AFF3: variants seen among roughly 807,000 people sequenced by gnomAD.
AFF3 encodes AF4/FMR2 family member 3.
In AFF3, 32 loss-of-function variants were observed where a neutral mutation model predicts 129.7. The observed-to-expected ratio is 0.25, with a 90% confidence interval of 0.19 to 0.33. AFF3 has a LOEUF of 0.33. AFF3 is among the 10% of genes least tolerant of loss of function. The pLI is 1.00. For synonymous variants in AFF3, 644 were observed against 635.4 expected, an observed-to-expected ratio of 1.01 and a Z score of -0.20; for missense variants, 1,373 against 1,592.0, an observed-to-expected ratio of 0.86 and a Z score of 2.34.
At chr2:99,741,409 T>C (rs1465356490) in intron 10 of AFF3, among the ~76,000 whole-genome samples, 1 of 152,156 alleles carries the variant, frequency 6.6e-6, no homozygotes, top group Admixed American at 6.5e-5. Flanking sequence ...ATCACAAGCA[T>C]TCTTATACAC....
At chr2:99,759,829 A>C (rs1326271846) in intron 8 of AFF3, among the ~76,000 whole-genome samples, 1 of 152,302 alleles carries the variant, frequency 6.6e-6, no homozygotes, top group Non-Finnish European at 1.5e-5. Flanking sequence ...TTGCATGGGA[A>C]AATCAAGGGC....
At position 99,587,147 on chromosome 2, in the gene AFF3, C is replaced by A. The variant is rs750695427; in HGVS notation, c.2591+7G>T. ...GCTCACTTCCACTTTGGAGGGAATG[C>A]ACGTACCTGTTGATGTTCATGTTGC... On this transcript the variant is annotated splice_region_variant and intron_variant, in intron 16 of 24. Transcript: ENST00000672756. 2 of 1,613,920 alleles carry A rather than the reference C, an allele frequency of 1.2e-6. No individual in the cohort carries two copies. The highest frequency in any genetic ancestry group is 3.3e-5 in the Admixed American group (2 of 60,006).
chr2:99,777,123 G>A (rs1283420555), intron 8 of AFF3, among the ~76,000 whole-genome samples: 8 of 152,188 alleles, frequency 5.3e-5, no homozygotes, highest in South Asian at 2.1e-4. Flanking sequence ...GTCAGAGCCC[G>A]CTGTGAGTGG....
At chr2:100,111,574 C>T (rs934347970) in intron 2 of AFF3, among the ~76,000 whole-genome samples, 6 of 152,144 alleles carry the variant, frequency 3.9e-5, no homozygotes, top group Non-Finnish European at 7.3e-5. Context: ...ATGGCATTTA[C>T]GAAAAACAGT....
At chr2:99,740,046 A>C (rs959713627) in intron 10 of AFF3, among the ~76,000 whole-genome samples, 1 of 145,478 alleles carries the variant, frequency 6.9e-6, no homozygotes, top group African/African-American at 2.6e-5. Flanking sequence ...CCCATCTATG[A>C]GTGAGAATAT....
At chr2:99,624,885 C>T (rs1025725118) in intron 13 of AFF3, among the ~76,000 whole-genome samples, 4 of 152,200 alleles carry the variant, frequency 2.6e-5, no homozygotes, top group South Asian at 2.1e-4. Context: ...GTGGGAGCTC[C>T]GCCAGATGCC....
intron 18 of AFF3, among the ~76,000 whole-genome samples, chr2:99,575,414 A>ATTTTTTTTTTTTTTT (rs540441950): frequency 4.3e-3 from 544 of 127,248 alleles, no homozygotes; most frequent in East Asian, 6.9e-3. Context: ...TGCCTGGCTA[A>ATTTTTTTTTTTTTTT]TTTTTTTTTT....
At chr2:99,855,865 AC>A (rs1177056899) in intron 7 of AFF3, among the ~76,000 whole-genome samples, 1 of 152,152 alleles carries the variant, frequency 6.6e-6, no homozygotes, top group African/African-American at 2.4e-5. Context: ...GTTAATGTCA[AC>A]TGTGCTAAGT....
At chr2:99,706,322 C>T (rs767584605) in intron 11 of AFF3, among the ~76,000 whole-genome samples, 3 of 152,138 alleles carry the variant, frequency 2.0e-5, no homozygotes, top group Non-Finnish European at 4.4e-5. Flanking sequence ...TTTACCATAC[C>T]GATTGGTCCT....
intron 13 of AFF3, among the ~76,000 whole-genome samples, chr2:99,642,967 A>C (rs901165682): frequency 2.0e-5 from 3 of 152,244 alleles, no homozygotes; most frequent in African/African-American, 7.2e-5. Context: ...GTACATTTAA[A>C]AATAACTAAA....
intron 7 of AFF3, among the ~76,000 whole-genome samples, chr2:99,997,268 C>T (rs1272275800): frequency 2.0e-5 from 3 of 152,156 alleles, no homozygotes; most frequent in Admixed American, 6.5e-5. Flanking sequence ...TAAACTCTTG[C>T]TCTTGCCCCC....
intron 16 of AFF3, among the ~76,000 whole-genome samples, chr2:99,584,506 A>G (rs1432547378): frequency 6.6e-6 from 1 of 152,066 alleles, no homozygotes; most frequent in Non-Finnish European, 1.5e-5. Context: ...AATAAATAAA[A>G]ATGGTGAGTA....
At chr2:99,820,895 TAG>T (rs1177566544) in intron 8 of AFF3, among the ~76,000 whole-genome samples, 1 of 116,106 alleles carries the variant, frequency 8.6e-6, no homozygotes, top group Non-Finnish European at 1.8e-5. Context: ...TTTTTTTGGA[TAG>T]AGTCTCACTC....
At chr2:100,106,037 C>T (rs1691271877) in intron 2 of AFF3, 1 of 1,318,476 alleles carries the variant, frequency 7.6e-7, no homozygotes, top group Admixed American at 2.3e-5. Context: ...TCACCTCACC[C>T]ACCTCCGAAT....
intron 7 of AFF3, among the ~76,000 whole-genome samples, chr2:99,837,905 C>T (rs1689016811): frequency 6.6e-6 from 1 of 152,156 alleles, no homozygotes; most frequent in Non-Finnish European, 1.5e-5. Context: ...CCAATTTATC[C>T]ACCAAATATA....
chr2:99,816,877 AC>A (rs762356622), intron 8 of AFF3, among the ~76,000 whole-genome samples: 3 of 152,052 alleles, frequency 2.0e-5, no homozygotes, highest in Non-Finnish European at 2.9e-5. Flanking sequence ...TCCTCTGGGT[AC>A]AGTGAGTTTC....
intron 7 of AFF3, among the ~76,000 whole-genome samples, chr2:99,927,198 A>T (rs553022872): frequency 6.6e-6 from 1 of 152,322 alleles, no homozygotes; most frequent in South Asian, 2.1e-4. Context: ...AATTTTCCAA[A>T]GGTTTCTAAG....
At chr2:99,928,159 T>C (rs1467096737) in intron 7 of AFF3, among the ~76,000 whole-genome samples, 1 of 152,184 alleles carries the variant, frequency 6.6e-6, no homozygotes, top group Admixed American at 6.5e-5. Flanking sequence ...GTCTCAGGTA[T>C]GTCTTTTATC....
At chr2:99,931,034 C>CT (rs1453899697) in intron 7 of AFF3, among the ~76,000 whole-genome samples, 1 of 152,252 alleles carries the variant, frequency 6.6e-6, no homozygotes, top group African/African-American at 2.4e-5. Context: ...CCAGTCTTTG[C>CT]TTTTTTCAAC....
Sources: gnomAD v4.1 joint callset for allele counts (sites outside exome capture counted in the v4.1 genomes callset) on GRCh38, gnomAD v4.1.1 for gene constraint, MANE v1.5 for transcripts, NCBI Gene and HGNC (gene_info 2026-07-23, HGNC 2026-07-21) for gene names.